NKAIN2: variants seen among roughly 807,000 people sequenced by gnomAD.
The protein encoded by NKAIN2 is sodium/potassium transporting ATPase interacting 2, also known as sodium/potassium-transporting ATPase subunit beta-1-interacting protein 2.
NKAIN2 carries 14 observed loss-of-function variants against 32.6 expected under a neutral mutation model. The ratio of observed to expected loss-of-function variants is 0.43; its 90% CI spans 0.28 to 0.67. NKAIN2 has a LOEUF of 0.67. Among genes scored for constraint, NKAIN2 ranks in the 30% least tolerant of loss-of-function variants. The probability of loss-of-function intolerance (pLI) is 0.17; values close to 1 mark genes in which losing one functional copy is unlikely to be tolerated. For synonymous variants in NKAIN2, 80 were observed against 87.2 expected, an observed-to-expected ratio of 0.92 and a Z score of 0.46; for missense variants, 198 against 258.3, an observed-to-expected ratio of 0.77 and a Z score of 1.60.
At chr6:124,189,785 A>G (rs979863508) in intron 1 of NKAIN2, among the ~76,000 whole-genome samples, 2 of 152,172 alleles carry the variant, frequency 1.3e-5, no homozygotes, top group Non-Finnish European at 2.9e-5. Flanking sequence ...TTTCCTCCTT[A>G]GTGGTAATTA....
chr6:124,559,475 C>G (rs1410378643), intron 3 of NKAIN2, among the ~76,000 whole-genome samples: 2 of 152,182 alleles, frequency 1.3e-5, no homozygotes, highest in African/African-American at 2.4e-5. Context: ...CTACGCACTT[C>G]TCAACATTAT....
chr6:124,276,957 C>A (rs565194266), intron 1 of NKAIN2, among the ~76,000 whole-genome samples: 5 of 152,074 alleles, frequency 3.3e-5, no homozygotes, highest in African/African-American at 1.2e-4. Context: ...TCAAGGTTAA[C>A]GCAAAATTAG....
rs1408974605 is a variant in NKAIN2 at position 123,803,950 on chromosome 6, G to A, written c.-251G>A. The stretch of plus-strand genomic sequence containing the variant: ...CGCGCCTCCGCAGGCGGCACTGCCC[G>A]CGGCGCGGCGTGTGCACCGAGCGAG... On this transcript the variant is annotated 5_prime_UTR_variant, in exon 1 of 7. Coordinates refer to ENST00000368417, the MANE Select transcript of NKAIN2 (RefSeq NM_001040214.3). Among the ~76,000 whole-genome samples the A allele has an allele frequency of 2.7e-5, 4 of 150,630 alleles. No homozygotes were observed. Among genetic ancestry groups the A allele is most frequent in the African/African-American group, 9.7e-5 (4 of 41,222 alleles).
intron 1 of NKAIN2, among the ~76,000 whole-genome samples, chr6:123,973,032 G>A (rs763528992): frequency 3.3e-5 from 5 of 152,036 alleles, no homozygotes; most frequent in Non-Finnish European, 5.9e-5. Context: ...GATTTTCTTT[G>A]TTCCAGTTGC....
chr6:124,638,963 C>T (rs1281077368), intron 3 of NKAIN2, among the ~76,000 whole-genome samples: 1 of 150,958 alleles, frequency 6.6e-6, no homozygotes, highest in Admixed American at 6.6e-5. Flanking sequence ...ACAATTGGCC[C>T]ATAAGCATAT....
chr6:124,202,624 T>TA (rs1317273524), intron 1 of NKAIN2, among the ~76,000 whole-genome samples: 11 of 151,914 alleles, frequency 7.2e-5, no homozygotes, highest in Admixed American at 7.2e-4. Flanking sequence ...TATTAAAAAT[T>TA]AAAAAAGTCA....
At chr6:124,538,177 G>T (rs181434721) in intron 3 of NKAIN2, among the ~76,000 whole-genome samples, 1 of 151,680 alleles carries the variant, frequency 6.6e-6, no homozygotes, top group Non-Finnish European at 1.5e-5. Context: ...TTGTCTTACA[G>T]TCCATCTTTT....
rs188943786 is a variant in NKAIN2, at chr6:124,517,860, A to G, written c.274-140326A>G. On this transcript the variant is annotated intron_variant, in intron 3 of 6. Transcript: ENST00000368417. ...GAACGTGCTAATTCCAATATTTACT[A>G]TCTTCCATTAATTTATATTACATAA... 1.4e-4 allele frequency among the ~76,000 whole-genome samples: 22 copies of G among 152,280 alleles called. No homozygotes were observed. In the East Asian group the frequency reaches 3.3e-3, roughly 23 times the overall value.
At chr6:124,707,115 T>C (rs1324466414) in intron 4 of NKAIN2, among the ~76,000 whole-genome samples, 14 of 151,744 alleles carry the variant, frequency 9.2e-5, no homozygotes, top group South Asian at 6.2e-4. Context: ...CTTGCGATAG[T>C]TTACTGAGAA....
chr6:124,127,008 A>G (rs1786201684), intron 1 of NKAIN2, among the ~76,000 whole-genome samples: 1 of 152,204 alleles, frequency 6.6e-6, no homozygotes, highest in South Asian at 2.1e-4. Flanking sequence ...TCAGTTTCAC[A>G]GCTATGAAGG....
In NKAIN2 at chr6:124,289,523, G is replaced by A. The variant is rs1439057398; in HGVS notation, c.192+6381G>A. Among the ~76,000 whole-genome samples, 4 of 152,282 alleles carry A rather than the reference G, an allele frequency of 2.6e-5. No homozygotes were observed. The East Asian group carries it at 7.7e-4, about 29-fold the overall frequency. On this transcript the variant is annotated intron_variant, in intron 2 of 6. Transcript: ENST00000368417. ...TAAAAAGATTACGACACAGCAACTTGAGAAATCTATAGACACCTTAGTGGT... is the reference window on the plus strand; with the variant it reads ...TAAAAAGATTACGACACAGCAACTTAAGAAATCTATAGACACCTTAGTGGT...
intron 5 of NKAIN2, among the ~76,000 whole-genome samples, chr6:124,803,983 G>A (rs577512664): frequency 1.1e-3 from 167 of 152,204 alleles, no homozygotes; most frequent in African/African-American, 3.8e-3. Context: ...CTTCGAAGCT[G>A]AAATTGCTTG....
intron 1 of NKAIN2, among the ~76,000 whole-genome samples, chr6:124,137,516 A>G (rs1402419199): frequency 2.6e-5 from 4 of 152,156 alleles, no homozygotes; most frequent in Non-Finnish European, 5.9e-5. Context: ...AAACTATTCT[A>G]AAATTCATAT....
chr6:124,328,853 C>A (rs551524352), intron 2 of NKAIN2, among the ~76,000 whole-genome samples: 1 of 152,256 alleles, frequency 6.6e-6, no homozygotes, highest in African/African-American at 2.4e-5. Flanking sequence ...AGAATAAGAG[C>A]TTAATCCTAA....
intron 3 of NKAIN2, among the ~76,000 whole-genome samples, chr6:124,542,937 T>G (rs1779962574): frequency 1.3e-5 from 2 of 152,200 alleles, no homozygotes; most frequent in African/African-American, 4.8e-5. Context: ...CCAAACATTT[T>G]GATGAATAGA....
intron 1 of NKAIN2, among the ~76,000 whole-genome samples, chr6:124,054,596 T>A (rs1042813047): frequency 2.0e-5 from 3 of 152,062 alleles, no homozygotes; most frequent in African/African-American, 7.2e-5. Context: ...GCCAGCTTCC[T>A]CTCTTCCCCC....
At chr6:124,727,277 G>T (rs1273876582) in intron 4 of NKAIN2, among the ~76,000 whole-genome samples, 1 of 152,072 alleles carries the variant, frequency 6.6e-6, no homozygotes, top group African/African-American at 2.4e-5. Flanking sequence ...AAGTTGAAAT[G>T]AAGGAAAAAA....
chr6:124,596,669 T>C (rs1279419851), intron 3 of NKAIN2, among the ~76,000 whole-genome samples: 98 of 92,968 alleles, frequency 1.1e-3, no homozygotes, highest in African/African-American at 4.0e-3. Context: ...ATAGGGTGTG[T>C]GTGTGTGTGT....
At chr6:124,206,174 C>T (rs1790872387) in intron 1 of NKAIN2, among the ~76,000 whole-genome samples, 1 of 152,032 alleles carries the variant, frequency 6.6e-6, no homozygotes, top group East Asian at 1.9e-4. Flanking sequence ...GTGTAATTTT[C>T]TATTACTTTT....
Sources: gnomAD v4.1 joint callset for allele counts (sites outside exome capture counted in the v4.1 genomes callset) on GRCh38, gnomAD v4.1.1 for gene constraint, MANE v1.5 for transcripts, NCBI Gene and HGNC (gene_info 2026-07-23, HGNC 2026-07-21) for gene names.